Variants in MAGI3 observed in about 807,000 individuals in gnomAD.
The protein encoded by MAGI3 is membrane-associated guanylate kinase, WW and PDZ domain-containing protein 3.
Under a neutral mutation model 121.8 loss-of-function variants are expected in MAGI3, and 43 were observed. That is an observed-to-expected ratio of 0.35 (90% CI 0.28 to 0.46). MAGI3 has a LOEUF of 0.46. Ranked by LOEUF, MAGI3 falls within the 20% of genes least tolerant of loss-of-function variation. MAGI3 has a pLI of 1.00. For synonymous variants in MAGI3, 553 were observed against 639.3 expected (o/e 0.86, Z 2.04); for missense variants, 1,547 against 1,797.3 (o/e 0.86, Z 2.52).
intron 16 of MAGI3, 67 bp downstream of exon 16, chr1:113,659,332 G>A (rs1181356337): frequency 1.3e-6 from 2 of 1,497,664 alleles, no homozygotes; most frequent in Non-Finnish European, 1.8e-6. Context: ...GTGAGGCAGT[G>A]GCCTCCTCCA....
intron 2 of MAGI3, among the ~76,000 whole-genome samples, 194 bp from the exon 3 acceptor site, chr1:113,580,348 G>A (rs1028374346): frequency 6.6e-6 from 1 of 152,098 alleles, no homozygotes; most frequent in Non-Finnish European, 1.5e-5. Context: ...TTCACCAGGT[G>A]TGCACATGTA....
At chr1:113,661,624 T>A (rs753094497) in intron 16 of MAGI3, among the ~76,000 whole-genome samples, 1 of 152,232 alleles carries the variant, frequency 6.6e-6, no homozygotes, top group Non-Finnish European at 1.5e-5. Flanking sequence ...TATCCAAGAT[T>A]GTTCATAATT....
chr1:113,479,297 G>T (rs997825231), intron 1 of MAGI3, among the ~76,000 whole-genome samples: 1 of 152,178 alleles, frequency 6.6e-6, no homozygotes, highest in African/African-American at 2.4e-5. Context: ...ACGTACCTCA[G>T]TTGGAAATGC....
chr1:113,670,684 A>G (rs1476253399), intron 16 of MAGI3, among the ~76,000 whole-genome samples: 2 of 152,228 alleles, frequency 1.3e-5, no homozygotes, highest in Non-Finnish European at 2.9e-5. Context: ...AGAAACTGTT[A>G]TATTGTGACT....
At chr1:113,447,141 T>C (rs1654214636) in intron 1 of MAGI3, among the ~76,000 whole-genome samples, 1 of 152,244 alleles carries the variant, frequency 6.6e-6, no homozygotes, top group South Asian at 2.1e-4. Context: ...ATGATTAATA[T>C]GTTAACTTTA....
chr1:113,650,894 A>G (rs1653123282), intron 13 of MAGI3, 120 bp from the exon 14 acceptor site: 1 of 828,794 alleles, frequency 1.2e-6, no homozygotes, highest in African/African-American at 1.7e-5. Flanking sequence ...CTAAAATATA[A>G]CTGTTTTCAT....
chr1:113,554,283 A>G lies in MAGI3; in HGVS notation c.433+4652A>G, dbSNP rs74331842. Among the ~76,000 whole-genome samples, 54 of 131,950 alleles carry G rather than the reference A, an allele frequency of 4.1e-4. 1 individual carries two copies. Among genetic ancestry groups the G allele is most frequent in the Admixed American group, 2.5e-3 (35 of 13,738 alleles). The allele number at this position is 131,950 out of a possible 152,430, so 86.6% of individuals were successfully genotyped here. A position where few individuals can be genotyped will look rare whatever the true frequency, so the allele number is the denominator to read the frequency against. The stretch of plus-strand genomic sequence containing the variant: ...AGAAAAATTATATATAAATATTCAT[A>G]TGTGTGTGTGTGTGTGTGTATGAAT... On this transcript the variant is annotated intron_variant, in intron 2 of 20. Transcript: ENST00000307546.
intron 2 of MAGI3, among the ~76,000 whole-genome samples, chr1:113,559,743 A>AT (rs1408611104): frequency 2.0e-5 from 3 of 151,774 alleles, no homozygotes; most frequent in Non-Finnish European, 2.9e-5. Context: ...AATTTTTTGT[A>AT]TTTTTTTGGT....
intron 2 of MAGI3, among the ~76,000 whole-genome samples, chr1:113,573,677 G>T (rs1352569576): frequency 1.3e-5 from 2 of 152,176 alleles, no homozygotes; most frequent in Non-Finnish European, 1.5e-5. Context: ...TGTTGATTTG[G>T]GGTGAATAGT....
intron 2 of MAGI3, among the ~76,000 whole-genome samples, chr1:113,552,465 G>T (rs1659825371): frequency 6.6e-6 from 1 of 152,148 alleles, no homozygotes; most frequent in African/African-American, 2.4e-5. Flanking sequence ...TAAGTAACTT[G>T]ATATTTTGCC....
chr1:113,653,714 T>A, intron 14 of MAGI3, 116 bp from the exon 15 acceptor site: 1 of 886,706 alleles, frequency 1.1e-6, no homozygotes, highest in Non-Finnish European at 1.6e-6. Context: ...GCTGCTTTTC[T>A]ATTCTTTATG....
intron 11 of MAGI3, among the ~76,000 whole-genome samples, chr1:113,645,252 G>T (rs1652769185): frequency 6.6e-6 from 1 of 152,016 alleles, no homozygotes; most frequent in South Asian, 2.1e-4. Flanking sequence ...TCAAATTCCT[G>T]ACCTCAGGTG....
intron 1 of MAGI3, among the ~76,000 whole-genome samples, chr1:113,497,165 G>A (rs982584438): frequency 6.6e-5 from 10 of 152,206 alleles, no homozygotes; most frequent in East Asian, 1.9e-4. Flanking sequence ...GCTGAGGTGC[G>A]TGGATCACTT....
At chr1:113,442,690 A>G (rs1040891185) in intron 1 of MAGI3, among the ~76,000 whole-genome samples, 2 of 151,892 alleles carry the variant, frequency 1.3e-5, no homozygotes, top group Admixed American at 1.3e-4. Context: ...ACATATATAT[A>G]TATAAAACTC....
intron 9 of MAGI3, among the ~76,000 whole-genome samples, chr1:113,638,552 G>A (rs879134732): frequency 3.3e-5 from 5 of 152,210 alleles, no homozygotes; most frequent in East Asian, 1.9e-4. Flanking sequence ...GCGGATTTTC[G>A]TGAACCGTGA....
In MAGI3 at chr1:113,397,533, T is replaced by G. The variant is rs539379648; in HGVS notation, c.316+6184T>G. ...TTTACAGTGTGGTCCATCTCAATAA[T>G]TTTGTGTGTGTTTGTGTACAAGGGC... is the stretch of plus-strand genomic sequence containing the variant. On this transcript the variant is annotated intron_variant, in intron 1 of 20. Coordinates refer to ENST00000307546, the MANE Select transcript of MAGI3 (RefSeq NM_001142782.2). Among the ~76,000 whole-genome samples the G allele has an allele frequency of 3.3e-5, 5 of 152,288 alleles. No individual in the cohort carries two copies. In the East Asian group the frequency reaches 9.6e-4, roughly 29 times the overall value.
intron 1 of MAGI3, among the ~76,000 whole-genome samples, chr1:113,483,503 C>T (rs1181465217): frequency 1.3e-5 from 2 of 152,192 alleles, no homozygotes; most frequent in Non-Finnish European, 2.9e-5. Context: ...CAAGAGTCAT[C>T]ACCAAATGTG....
At chr1:113,486,651 C>CTT (rs767164528) in intron 1 of MAGI3, among the ~76,000 whole-genome samples, 18,774 of 123,882 alleles carry the variant, frequency 0.15, 1,955 homozygotes, top group East Asian at 0.57. Flanking sequence ...TCTTCAAAGT[C>CTT]TTTTTTTTTT....
chr1:113,642,025 G>C lies in MAGI3; in HGVS notation c.1475G>C (p.Arg492Pro). Residue 492 changes from arginine to proline, a missense_variant, in exon 10 of 21, where the codon CGT becomes CCT. Arg to Pro is a moderately radical substitution (Grantham distance 103). Transcript: ENST00000307546. ...VNQYVNLTLCRGYPLPDDSED... is the reference protein window; with the variant it reads ...VNQYVNLTLCPGYPLPDDSED... Reference sequence around the variant, plus strand: ...CAGTATGTAAACCTCACTTTATGTCGTGGTTATCCACTTCCTGATGACAGT... The same window carrying C: ...CAGTATGTAAACCTCACTTTATGTCCTGGTTATCCACTTCCTGATGACAGT... 1 of 1,614,088 alleles carries C rather than the reference G, an allele frequency of 6.2e-7. No individual in the cohort carries two copies. Among genetic ancestry groups the C allele is most frequent in the Non-Finnish European group, 8.5e-7 (1 of 1,180,020 alleles).
Sources: gnomAD v4.1 joint callset for allele counts (sites outside exome capture counted in the v4.1 genomes callset) on GRCh38, gnomAD v4.1.1 for gene constraint, MANE v1.5 for transcripts, NCBI Gene and HGNC (gene_info 2026-07-23, HGNC 2026-07-21) for gene names.